The following PLEKHG1 variants were observed in gnomAD, a reference collection of about 807,000 sequenced individuals.
The protein encoded by PLEKHG1 is pleckstrin homology and RhoGEF domain containing G1, also known as pleckstrin homology domain-containing family G member 1.
In PLEKHG1, 44 loss-of-function variants were observed where a neutral mutation model predicts 100.8. That is an observed-to-expected ratio of 0.44 (90% CI 0.34 to 0.56). The LOEUF is 0.56. Among genes scored for constraint, PLEKHG1 ranks in the 20% least tolerant of loss-of-function variants. PLEKHG1 has a pLI of 0.01. For synonymous variants in PLEKHG1, 640 were observed against 662.5 expected, an observed-to-expected ratio of 0.97 and a Z score of 0.52; for missense variants, 1,545 against 1,720.9, an observed-to-expected ratio of 0.90 and a Z score of 1.81.
intron 2 of PLEKHG1, 34 bp from the exon 4 acceptor site, chr6:150,768,604 A>C: frequency 9.1e-7 from 1 of 1,093,910 alleles, no homozygotes; most frequent in Non-Finnish European, 1.4e-6. Context: ...AAAGGACAGG[A>C]GTGTTTAAGG....
chr6:150,616,366 G>A (rs1777072706), intron 1 of PLEKHG1, among the ~76,000 whole-genome samples: 1 of 152,152 alleles, frequency 6.6e-6, no homozygotes, highest in Non-Finnish European at 1.5e-5. Flanking sequence ...CACTCACTTG[G>A]GAAGAGAAAA....
At chr6:150,737,436 C>T (rs1036878060) in intron 2 of PLEKHG1, among the ~76,000 whole-genome samples, 4 of 151,256 alleles carry the variant, frequency 2.6e-5, no homozygotes, top group East Asian at 3.9e-4. Context: ...GGACTATAGG[C>T]GCCCGCCACC....
chr6:150,811,972 G>A (rs1477924631), intron 10 of PLEKHG1, among the ~76,000 whole-genome samples: 1 of 152,228 alleles, frequency 6.6e-6, no homozygotes, highest in Non-Finnish European at 1.5e-5. Context: ...GAGCTGAGCA[G>A]TGCTGCCGTG....
intron 1 of PLEKHG1, among the ~76,000 whole-genome samples, chr6:150,602,052 G>A (rs968609576): frequency 6.6e-6 from 1 of 152,312 alleles, no homozygotes; most frequent in African/African-American, 2.4e-5. Flanking sequence ...CCAGTCCTAT[G>A]TTGTGTTCCC....
At position 150,783,589 on chromosome 6, in the gene PLEKHG1, C is replaced by T. The variant is rs188745864; in HGVS notation, c.513-2801C>T. Reference sequence around the variant, plus strand: ...TTCACTGTGTTGGCCGTGCTGGTCCCGAACTCCTGACCTCAGGTCATCTGC... The same window carrying T: ...TTCACTGTGTTGGCCGTGCTGGTCCTGAACTCCTGACCTCAGGTCATCTGC... On this transcript the variant is annotated intron_variant, in intron 3 of 15. Transcript: ENST00000358517. Among the ~76,000 whole-genome samples, 203 of 152,142 alleles carry T rather than the reference C, an allele frequency of 1.3e-3. 2 individuals carry two copies. Among genetic ancestry groups the T allele is most frequent in the African/African-American group, 4.6e-3 (192 of 41,504 alleles).
intron 4 of PLEKHG1, among the ~76,000 whole-genome samples, chr6:150,794,437 C>T (rs777362146): frequency 7.2e-5 from 11 of 151,848 alleles, no homozygotes; most frequent in African/African-American, 2.7e-4. Flanking sequence ...AGGCCAAGGC[C>T]GGTGGATCAC....
At chr6:150,731,962 C>CT (rs34542836) in intron 1 of PLEKHG1, among the ~76,000 whole-genome samples, 79,987 of 134,008 alleles carry the variant, frequency 0.6, 26,238 homozygotes, top group Non-Finnish European at 0.73. Context: ...TATTAAGTGA[C>CT]TTTTTTTTTT....
chr6:150,617,588 A>G (rs1349354957), intron 1 of PLEKHG1, among the ~76,000 whole-genome samples: 1 of 152,200 alleles, frequency 6.6e-6, no homozygotes, highest in Non-Finnish European at 1.5e-5. Context: ...TCTGTTTCCC[A>G]TAGAACTCAG....
chr6:150,816,161 G>A (rs1172232602), intron 10 of PLEKHG1, among the ~76,000 whole-genome samples: 1 of 152,062 alleles, frequency 6.6e-6, no homozygotes, highest in Non-Finnish European at 1.5e-5. Flanking sequence ...CTTATGTCCA[G>A]TCTGCTCTCA....
intron 2 of PLEKHG1, among the ~76,000 whole-genome samples, chr6:150,756,969 TATG>T (rs1319248157): frequency 1.3e-5 from 2 of 152,122 alleles, no homozygotes; most frequent in African/African-American, 4.8e-5. Flanking sequence ...AAGTAAAGTA[TATG>T]ATAATTGATC....
At chr6:150,762,232 C>T (rs1784198695) in intron 2 of PLEKHG1, among the ~76,000 whole-genome samples, 1 of 151,524 alleles carries the variant, frequency 6.6e-6, no homozygotes, top group Admixed American at 6.6e-5. Flanking sequence ...CTCTGTTGCC[C>T]AGGCTGGAGT....
chr6:150,703,600 T>TAAAAAA (rs71690247), intron 3 of PLEKHG1, among the ~76,000 whole-genome samples: 2 of 129,072 alleles, frequency 1.5e-5, no homozygotes, highest in African/African-American at 5.8e-5. Flanking sequence ...GACTCCATCT[T>TAAAAAA]AAAAAAAAAA....
chr6:150,624,156 C>A (rs1253027541), intron 1 of PLEKHG1, among the ~76,000 whole-genome samples: 1 of 152,202 alleles, frequency 6.6e-6, no homozygotes, highest in Non-Finnish European at 1.5e-5. Flanking sequence ...TGAGCCTCAT[C>A]CCTGAATAAG....
At chr6:150,703,625 T>G (rs919620850) in intron 3 of PLEKHG1, among the ~76,000 whole-genome samples, 3 of 148,656 alleles carry the variant, frequency 2.0e-5, no homozygotes, top group Non-Finnish European at 4.4e-5. Context: ...CAAAACAACT[T>G]TTTTCTACTT....
chr6:150,672,998 G>C (rs934186301), intron 3 of PLEKHG1, among the ~76,000 whole-genome samples: 19 of 152,260 alleles, frequency 1.2e-4, no homozygotes, highest in African/African-American at 3.9e-4. Flanking sequence ...TGGCAGTCAT[G>C]GTTGGTTGCA....
At chr6:150,628,232 C>T (rs1777580363) in intron 1 of PLEKHG1, among the ~76,000 whole-genome samples, 1 of 152,102 alleles carries the variant, frequency 6.6e-6, no homozygotes, top group South Asian at 2.1e-4. Flanking sequence ...ATGTGAACTC[C>T]CACTTCCAGA....
intron 1 of PLEKHG1, among the ~76,000 whole-genome samples, chr6:150,725,877 TGCATGTGATATAA>T (rs1277927141): frequency 2.6e-5 from 4 of 152,134 alleles, no homozygotes; most frequent in Non-Finnish European, 5.9e-5. Context: ...TTATTCTTTT[TGCATGTGATATAA>T]GAACATGTGG....
intron 2 of PLEKHG1, among the ~76,000 whole-genome samples, chr6:150,760,704 G>A (rs1205735624): frequency 6.6e-6 from 1 of 150,926 alleles, no homozygotes; most frequent in Non-Finnish European, 1.5e-5. Context: ...ACAGTAATGG[G>A]AGGTTGCAAA....
At chr6:150,709,510 G>A (rs554813962) in intron 3 of PLEKHG1, among the ~76,000 whole-genome samples, 2 of 152,224 alleles carry the variant, frequency 1.3e-5, no homozygotes, top group African/African-American at 4.8e-5. Context: ...GTGGATTGGT[G>A]GGACCCTCAC....
Sources: gnomAD v4.1 joint callset for allele counts (sites outside exome capture counted in the v4.1 genomes callset) on GRCh38, gnomAD v4.1.1 for gene constraint, MANE v1.5 for transcripts, NCBI Gene and HGNC (gene_info 2026-07-23, HGNC 2026-07-21) for gene names.